Variants in CUL1 observed in about 807,000 individuals in gnomAD.
CUL1 encodes the protein cullin-1.
Under a neutral mutation model 118.0 loss-of-function variants are expected in CUL1, and 24 were observed. The observed-to-expected ratio is 0.20, with a 90% CI of 0.15 to 0.29. The LOEUF (loss-of-function observed/expected upper bound fraction) is 0.29, where lower values mean the gene tolerates loss of function less well. CUL1 is among the 10% of genes least tolerant of loss of function. The probability of loss-of-function intolerance (pLI) is 1.00; values close to 1 mark genes in which losing one functional copy is unlikely to be tolerated. For missense variants in CUL1, 361 were observed against 933.8 expected (o/e 0.39, Z 7.99); for synonymous variants, 332 against 340.4 (o/e 0.98, Z 0.27).
chr7:148,739,028 C>A (rs1422450767), intron 2 of CUL1, among the ~76,000 whole-genome samples: 1 of 152,196 alleles, frequency 6.6e-6, no homozygotes, highest in African/African-American at 2.4e-5. Context: ...CGGCCCTGTC[C>A]TTTCACACAG....
At chr7:148,750,984 TAAA>T (rs71192723) in intron 2 of CUL1, among the ~76,000 whole-genome samples, 31 of 143,238 alleles carry the variant, frequency 2.2e-4, no homozygotes, top group African/African-American at 5.1e-4. Context: ...CCTGTCTCTT[TAAA>T]AAAAAAAAAA....
At chr7:148,718,023 C>T (rs1187093444) in intron 1 of CUL1, among the ~76,000 whole-genome samples, 1 of 152,198 alleles carries the variant, frequency 6.6e-6, no homozygotes, top group Non-Finnish European at 1.5e-5. Context: ...TAATGTCTTA[C>T]ATAGCATTTC....
intron 19 of CUL1, among the ~76,000 whole-genome samples, chr7:148,798,239 A>C (rs2129463847): frequency 6.6e-6 from 1 of 152,240 alleles, no homozygotes; most frequent in East Asian, 1.9e-4. Context: ...TTTGGCAAAT[A>C]AGTCTCCTTA....
At chr7:148,776,306 G>GTTTTTTT (rs1563166099) in intron 9 of CUL1, among the ~76,000 whole-genome samples, 21 of 33,938 alleles carry the variant, frequency 6.2e-4, no homozygotes, top group African/African-American at 1.3e-3. Context: ...ACATAACCAG[G>GTTTTTTT]CTTTTTTTTT....
chr7:148,749,307 T>C (rs1799406110), intron 2 of CUL1, among the ~76,000 whole-genome samples: 1 of 149,606 alleles, frequency 6.7e-6, no homozygotes, highest in Non-Finnish European at 1.5e-5. Flanking sequence ...ATCTCAGTTA[T>C]TCAGGAGGCT....
At chr7:148,755,980 T>G (rs549862140) in intron 3 of CUL1, among the ~76,000 whole-genome samples, 1 of 152,340 alleles carries the variant, frequency 6.6e-6, no homozygotes, top group East Asian at 1.9e-4. Context: ...TCTTTCGTGC[T>G]TCTCTGCTGC....
At chr7:148,789,894 T>G in intron 15 of CUL1, 68 bp downstream of exon 15, 1 of 1,425,424 alleles carries the variant, frequency 7.0e-7, no homozygotes, top group Non-Finnish European at 9.9e-7. Flanking sequence ...GCCTTCACTG[T>G]GGAAGGGGAC....
chr7:148,713,709 G>A (rs914072162), intron 1 of CUL1, among the ~76,000 whole-genome samples: 1 of 152,156 alleles, frequency 6.6e-6, no homozygotes, highest in South Asian at 2.1e-4. Context: ...AAATTAGCAT[G>A]TGTGTGTATT....
chr7:148,760,319 A>G lies in CUL1; in HGVS notation c.626-14A>G. 3 of 1,595,230 alleles carry G rather than the reference A, an allele frequency of 1.9e-6. No individual in the cohort carries two copies. Among genetic ancestry groups the G allele is most frequent in the Non-Finnish European group, 2.6e-6 (3 of 1,173,048 alleles). ...AAATAGGGTAATTGAAATATAGCTC[A>G]TATTCATTTCTAGTGGAATTGGGGC... On this transcript the variant is annotated splice_polypyrimidine_tract_variant and intron_variant, in intron 6 of 21. Transcript: ENST00000325222.
intron 1 of CUL1, among the ~76,000 whole-genome samples, chr7:148,722,204 G>A (rs891637555): frequency 4.6e-5 from 7 of 152,166 alleles, no homozygotes; most frequent in South Asian, 2.1e-4. Context: ...TGAAGCTGGA[G>A]GTTTGAATCC....
chr7:148,778,257 C>T (rs1006203662), intron 9 of CUL1, among the ~76,000 whole-genome samples: 1 of 151,762 alleles, frequency 6.6e-6, no homozygotes, highest in African/African-American at 2.4e-5. Context: ...TAAGAAAATG[C>T]AAGATTATTT....
chr7:148,713,958 G>A (rs1042479525), intron 1 of CUL1, among the ~76,000 whole-genome samples: 1 of 152,132 alleles, frequency 6.6e-6, no homozygotes, highest in African/African-American at 2.4e-5. Flanking sequence ...GACCTCAGGT[G>A]ATCCACCTGC....
chr7:148,750,497 T>C (rs1487891426), intron 2 of CUL1, among the ~76,000 whole-genome samples: 2 of 152,088 alleles, frequency 1.3e-5, no homozygotes, highest in African/African-American at 4.8e-5. Context: ...CCCCTTCCTG[T>C]GTCCAAGTGT....
intron 9 of CUL1, among the ~76,000 whole-genome samples, chr7:148,776,791 T>C (rs1241380809): frequency 6.6e-6 from 1 of 152,200 alleles, no homozygotes; most frequent in Non-Finnish European, 1.5e-5. Context: ...CTTGATTGGC[T>C]CAAGGCCAAT....
intron 1 of CUL1, among the ~76,000 whole-genome samples, chr7:148,714,824 G>A (rs1798162879): frequency 6.6e-6 from 1 of 152,208 alleles, no homozygotes; most frequent in Non-Finnish European, 1.5e-5. Context: ...GACATGCACA[G>A]AAGTTCTGTT....
chr7:148,711,673 C>G (rs191360360), intron 1 of CUL1, among the ~76,000 whole-genome samples: 2 of 151,874 alleles, frequency 1.3e-5, no homozygotes, highest in South Asian at 4.2e-4. Flanking sequence ...TTATCTTAGT[C>G]GAAAGAAAAA....
At chr7:148,727,617 C>T (rs1798630866) in intron 1 of CUL1, among the ~76,000 whole-genome samples, 1 of 152,130 alleles carries the variant, frequency 6.6e-6, no homozygotes, top group South Asian at 2.1e-4. Context: ...TTAAAGCAAA[C>T]CTGTACGTCT....
At chr7:148,728,868 A>C (rs1435688068) in intron 1 of CUL1, among the ~76,000 whole-genome samples, 3 of 152,220 alleles carry the variant, frequency 2.0e-5, no homozygotes, top group Non-Finnish European at 4.4e-5. Context: ...GGATGAGCTG[A>C]ATTACTTGAC....
chr7:148,798,581 A>C lies in CUL1; in HGVS notation c.2040A>C (p.Leu680Phe). 1 of 1,612,144 alleles carries C rather than the reference A, an allele frequency of 6.2e-7. No homozygotes were observed. The highest frequency in any genetic ancestry group is 8.5e-7 in the Non-Finnish European group (1 of 1,178,110). Residue 680 changes from leucine (L) to phenylalanine (F), a missense_variant, in exon 20 of 22, where the codon TTA becomes TTC. Physicochemically the swap from Leu to Phe is conservative, Grantham distance 22. Transcript: ENST00000325222. ...KLYLGYKNKK[L>F]RVNINVPMKT... ...TCATTTTTCTTGATAGTAAGAAATT[A>C]AGGGTTAACATCAATGTGCCAATGA...
Sources: allele counts gnomAD v4.1 joint callset (sites outside exome capture counted in the v4.1 genomes callset), GRCh38; gene constraint gnomAD v4.1.1; transcripts MANE v1.5; gene names NCBI Gene and HGNC (gene_info 2026-07-23, HGNC 2026-07-21).